Variants in TMEM120B observed in about 807,000 individuals in gnomAD.
TMEM120B encodes the protein transmembrane protein 120B.
A neutral mutation model predicts 55.5 loss-of-function variants in TMEM120B; 31 were observed. That is an observed-to-expected ratio of 0.56 (90% confidence interval 0.42 to 0.75). TMEM120B has a LOEUF of 0.75. Among genes scored for constraint, TMEM120B ranks in the 30% least tolerant of loss-of-function variants. TMEM120B has a pLI of 0.00. For missense variants in TMEM120B, 399 were observed against 425.5 expected (o/e 0.94, Z 0.55); for synonymous variants, 203 against 176.3 (o/e 1.15, Z -1.20).
intron 1 of TMEM120B, among the ~76,000 whole-genome samples, chr12:121,721,580 T>C (rs1274331307): frequency 2.0e-5 from 3 of 151,904 alleles, no homozygotes; most frequent in Non-Finnish European, 4.4e-5. Flanking sequence ...CAAGCAATTC[T>C]TCTGCCTCAG....
At chr12:121,754,360 G>C (rs1873419116) in intron 5 of TMEM120B, among the ~76,000 whole-genome samples, 1 of 152,232 alleles carries the variant, frequency 6.6e-6, no homozygotes, top group Non-Finnish European at 1.5e-5. Flanking sequence ...GGTTCCCCGA[G>C]GGCCTGGGCG....
At chr12:121,716,425 C>A (rs1894704388) in intron 1 of TMEM120B, among the ~76,000 whole-genome samples, 1 of 151,788 alleles carries the variant, frequency 6.6e-6, no homozygotes, top group African/African-American at 2.4e-5. Context: ...ACTAGAAAAT[C>A]CTGGTCTATT....
chr12:121,772,117 C>CTCTCTCTT (rs1175714104), intron 8 of TMEM120B, among the ~76,000 whole-genome samples: 1 of 148,192 alleles, frequency 6.7e-6, no homozygotes, highest in Non-Finnish European at 1.5e-5. Flanking sequence ...CTTTCTCTCT[C>CTCTCTCTT]TCTCTCTTTC....
Position 121,780,831 on chromosome 12 carries a change from C to T in TMEM120B, c.*5109C>T. 1 of 1,591,142 alleles carries T rather than the reference C, an allele frequency of 6.3e-7. No individual in the cohort carries two copies. On this transcript the variant is annotated 3_prime_UTR_variant, in exon 12 of 12. Coordinates refer to ENST00000449592, the MANE Select transcript of TMEM120B (RefSeq NM_001080825.2). The stretch of plus-strand genomic sequence containing the variant: ...CAGAGGCCAAAGGTCCGGGAGGCTT[C>T]ACAGCCACGGCTGTGCCCCAGGGTC...
intron 1 of TMEM120B, among the ~76,000 whole-genome samples, chr12:121,723,858 G>A (rs1003899029): frequency 1.3e-5 from 2 of 151,908 alleles, no homozygotes; most frequent in African/African-American, 2.4e-5. Context: ...ACTAGAGTGC[G>A]GGGGTGTGAT....
intron 5 of TMEM120B, among the ~76,000 whole-genome samples, chr12:121,755,001 A>G (rs961894558): frequency 6.6e-6 from 1 of 151,864 alleles, no homozygotes; most frequent in Non-Finnish European, 1.5e-5. Context: ...CTTGGAGGGC[A>G]GGAGAAGCTG....
intron 5 of TMEM120B, among the ~76,000 whole-genome samples, chr12:121,754,500 C>T (rs1275352558): frequency 6.6e-6 from 1 of 152,190 alleles, no homozygotes; most frequent in African/African-American, 2.4e-5. Context: ...GAAAGCAGGG[C>T]GTGGCAGGGC....
chr12:121,730,257 C>CAA (rs111608601), intron 1 of TMEM120B, among the ~76,000 whole-genome samples: 2 of 82,290 alleles, frequency 2.4e-5, no homozygotes, highest in Non-Finnish European at 5.1e-5. Context: ...GACTCCATCT[C>CAA]AAAAAAAAAA....
intron 6 of TMEM120B, among the ~76,000 whole-genome samples, chr12:121,769,019 G>A (rs1333391086): frequency 1.3e-5 from 2 of 152,056 alleles, no homozygotes; most frequent in Non-Finnish European, 2.9e-5. Flanking sequence ...GGTGGCAGGC[G>A]CCTGTAGTCG....
At position 121,726,592 on chromosome 12, in the gene TMEM120B, A is replaced by AT. The variant is rs1468040343; in HGVS notation, c.69+13628_69+13629insT. Among the ~76,000 whole-genome samples, 41 of 148,022 alleles carry AT rather than the reference A, an allele frequency of 2.8e-4. 1 individual carries two copies. Among genetic ancestry groups the AT allele is most frequent in the South Asian group, 6.5e-4 (3 of 4,600 alleles). ...AGACTCTGTCTCAAAAAAAAAAATA[A>AT]AATAAAATAATAATAATAATGCTTC... is the stretch of plus-strand genomic sequence containing the variant. On this transcript the variant is annotated intron_variant, in intron 1 of 11. Coordinates refer to ENST00000449592, the MANE Select transcript of TMEM120B (RefSeq NM_001080825.2).
Position 121,750,417 on chromosome 12 carries a change from A to T in TMEM120B, c.343A>T (p.Thr115Ser). Residue 115 changes from threonine (T) to serine (S), a missense_variant, in exon 4 of 12, where the codon ACC becomes TCC. By Grantham distance (58) the Thr-to-Ser change is moderately conservative. Around this residue, in one of 3 missense-constraint regions of TMEM120B, gnomAD observed 260 missense variants for 303.9 expected, o/e 0.86. Transcript: ENST00000449592. The stretch of plus-strand genomic sequence containing the variant: ...CCTGGTCCTCGGCAATGTGAACGTG[A>T]CCCTCCTCAGCAACCAGGCCAAGTA... ...LNLVLGNVNV[T>S]LLSNQAKFAY... 1.2e-6 allele frequency: 2 copies of T among 1,612,056 alleles called. No homozygotes were observed. The highest frequency in any genetic ancestry group is 8.5e-7 in the Non-Finnish European group (1 of 1,179,102).
At position 121,780,030 on chromosome 12, in the gene TMEM120B, G is replaced by C. The variant is rs1401486017; in HGVS notation, c.*4308G>C. The C allele has an allele frequency of 4.9e-6, 1 of 204,032 alleles. No individual in the cohort carries two copies. The highest frequency in any genetic ancestry group is 1.0e-5 in the Non-Finnish European group (1 of 99,252). 12.6% of individuals were successfully genotyped at this position (204,032 alleles called of 1,614,324 possible). On this transcript the variant is annotated 3_prime_UTR_variant, in exon 12 of 12. Coordinates refer to ENST00000449592, the MANE Select transcript of TMEM120B (RefSeq NM_001080825.2). ...AGCCACCTCTCTCCCTTCTCTGAAA[G>C]TACCATTTAGGCAAATTAATTTGCC... is the stretch of plus-strand genomic sequence containing the variant.
chr12:121,714,248 CTTGTTTTGTT>C (rs751229194), intron 1 of TMEM120B, among the ~76,000 whole-genome samples: 10 of 152,038 alleles, frequency 6.6e-5, no homozygotes, highest in African/African-American at 1.2e-4. Flanking sequence ...TCAGCCACTT[CTTGTTTTGTT>C]TTGTTTTGTT....
At chr12:121,726,096 G>A (rs1894885275) in intron 1 of TMEM120B, among the ~76,000 whole-genome samples, 1 of 151,616 alleles carries the variant, frequency 6.6e-6, no homozygotes, top group Non-Finnish European at 1.5e-5. Flanking sequence ...AGGTTGCTGT[G>A]GGTTAGGAAG....
rs1874026650 is a variant in TMEM120B, at chr12:121,770,981, C to A, written c.617+9C>A. Reference sequence around the variant, plus strand: ...GGAGTGATGCTGACCTGGTGAGTAGCCCCTCGCTGGGCCCCTCCAGCCTCC... The same window carrying A: ...GGAGTGATGCTGACCTGGTGAGTAGACCCTCGCTGGGCCCCTCCAGCCTCC... On this transcript the variant is annotated intron_variant, in intron 7 of 11. Coordinates refer to ENST00000449592, the MANE Select transcript of TMEM120B (RefSeq NM_001080825.2). 6.2e-7 allele frequency: 1 copy of A among 1,613,278 alleles called. No individual in the cohort carries two copies. The highest frequency in any genetic ancestry group is 1.3e-5 in the African/African-American group (1 of 74,922).
chr12:121,721,378 C>T (rs9651792), intron 1 of TMEM120B, among the ~76,000 whole-genome samples: 1,558 of 152,056 alleles, frequency 0.01, 31 homozygotes, highest in African/African-American at 0.035. Context: ...GGGGTTTTGT[C>T]ATGTTGCCCA....
intron 1 of TMEM120B, among the ~76,000 whole-genome samples, chr12:121,732,780 C>T (rs1005772754): frequency 2.0e-5 from 3 of 152,074 alleles, no homozygotes; most frequent in African/African-American, 4.8e-5. Context: ...GAGATCCAGA[C>T]CATCCTGGTT....
intron 1 of TMEM120B, among the ~76,000 whole-genome samples, chr12:121,734,205 G>T (rs925548978): frequency 6.6e-6 from 1 of 151,418 alleles, no homozygotes; most frequent in Non-Finnish European, 1.5e-5. Context: ...GGGAAAACTT[G>T]AGTGGCGAGG....
intron 1 of TMEM120B, among the ~76,000 whole-genome samples, chr12:121,743,337 C>T (rs1872986845): frequency 6.6e-6 from 1 of 151,516 alleles, no homozygotes; most frequent in African/African-American, 2.4e-5. Flanking sequence ...GGTCACAAGG[C>T]CAGGAGTTCG....
Sources: gnomAD v4.1 joint callset for allele counts (sites outside exome capture counted in the v4.1 genomes callset) on GRCh38, gnomAD v4.1.1 for gene constraint, gnomAD v4.1.1 regional missense constraint, MANE v1.5 for transcripts, NCBI Gene and HGNC (gene_info 2026-07-23, HGNC 2026-07-21) for gene names.